ATXN1: variants seen among roughly 807,000 people sequenced by gnomAD.
ATXN1 encodes the protein ataxin-1.
Under a neutral mutation model 56.4 loss-of-function variants are expected in ATXN1, and 8 were observed. The observed-to-expected ratio is 0.14, with a 90% CI of 0.08 to 0.26. The LOEUF (loss-of-function observed/expected upper bound fraction) is 0.26, where lower values mean the gene tolerates loss of function less well. Ranked by LOEUF, ATXN1 falls within the 10% of genes least tolerant of loss-of-function variation. The pLI is 1.00. For missense variants in ATXN1, 987 were observed against 1,106.5 expected (o/e 0.89, Z 1.53); for synonymous variants, 514 against 494.6 (o/e 1.04, Z -0.52).
intron 6 of ATXN1, among the ~76,000 whole-genome samples, chr6:16,411,358 T>G (rs1270915432): frequency 6.6e-6 from 1 of 152,062 alleles, no homozygotes; most frequent in Non-Finnish European, 1.5e-5. Context: ...ATATTGATAT[T>G]GAATTAAAGT....
intron 6 of ATXN1, among the ~76,000 whole-genome samples, chr6:16,366,897 TTTA>T (rs1761932666): frequency 6.6e-6 from 1 of 152,180 alleles, no homozygotes; most frequent in Non-Finnish European, 1.5e-5. Context: ...AAGTCCTGGT[TTTA>T]ATGAGCTATG....
rs1761096603 is a variant in ATXN1, at chr6:16,761,356, AATGTCTT to A, written c.-795_-789del. On this transcript the variant is annotated 5_prime_UTR_variant, in exon 1 of 8. Transcript: ENST00000436367. ...GAAGGGGGGGCAGAGGGAGAGAAACAATGTCTTGCGGCTGCTGTTGCTCTGGCTGCTG... is the reference window on the plus strand; with the variant it reads ...GAAGGGGGGGCAGAGGGAGAGAAACAGCGGCTGCTGTTGCTCTGGCTGCTG... The A allele has an allele frequency of 2.2e-6, 1 of 456,096 alleles. No individual in the cohort carries two copies. Among genetic ancestry groups the A allele is most frequent in the African/African-American group, 2.0e-5 (1 of 49,842 alleles). The allele number at this position is 456,096 out of a possible 1,614,324, so 28.3% of individuals were successfully genotyped here.
In ATXN1 at chr6:16,328,420, A is replaced by G. The variant is rs925594554; in HGVS notation, c.-110T>C. On this transcript the variant is annotated 5_prime_UTR_variant, in exon 7 of 8. The change abolishes an upstream ATG in the 5' untranslated region. Coordinates refer to ENST00000436367, the MANE Select transcript of ATXN1 (RefSeq NM_001128164.2). The surrounding 1 kb of genome is among the most constrained non-coding windows in gnomAD (Gnocchi z 6.2). The stretch of plus-strand genomic sequence containing the variant: ...TTTCTGTAGGGGATCCAGGCTCTTC[A>G]TGAGGAATCATCTCCCCGTGGGTAC... The G allele has an allele frequency of 2.2e-6, 3 of 1,353,940 alleles. No individual in the cohort carries two copies. The highest frequency in any genetic ancestry group is 2.8e-6 in the Non-Finnish European group (3 of 1,055,614). 83.9% of individuals were successfully genotyped at this position (1,353,940 alleles called of 1,614,324 possible).
Position 16,339,015 on chromosome 6 carries a change from C to T in ATXN1, c.-160-10545G>A, listed in dbSNP as rs144231290. Among the ~76,000 whole-genome samples the T allele has an allele frequency of 8.1e-4, 123 of 152,306 alleles. 1 individual carries two copies. In the East Asian group the frequency reaches 0.021, roughly 26 times the overall value. On this transcript the variant is annotated intron_variant, in intron 6 of 7. Coordinates refer to ENST00000436367, the MANE Select transcript of ATXN1 (RefSeq NM_001128164.2). ...AGGGAAGGGTTAAGTGCAATGCCTC[C>T]GTGTTTCACTCTGCCTGCTTTTCCA...
intron 6 of ATXN1, among the ~76,000 whole-genome samples, chr6:16,381,085 T>C (rs1758099259): frequency 6.6e-6 from 1 of 151,514 alleles, no homozygotes; most frequent in Non-Finnish European, 1.5e-5. Context: ...AGGTCAGGAG[T>C]TCGAGACCAG....
At chr6:16,736,630 C>A (rs985457138) in intron 2 of ATXN1, among the ~76,000 whole-genome samples, 4 of 152,144 alleles carry the variant, frequency 2.6e-5, no homozygotes, top group African/African-American at 9.7e-5. Context: ...GGATTAAATT[C>A]CTGTCAAAAC....
intron 5 of ATXN1, among the ~76,000 whole-genome samples, chr6:16,502,533 C>T (rs1476896802): frequency 6.6e-6 from 1 of 152,148 alleles, no homozygotes; most frequent in Non-Finnish European, 1.5e-5. Context: ...CAGTAGGATT[C>T]TGGCTATAGA....
At chr6:16,546,764 A>G (rs1761822698) in intron 4 of ATXN1, among the ~76,000 whole-genome samples, 1 of 152,220 alleles carries the variant, frequency 6.6e-6, no homozygotes, top group Non-Finnish European at 1.5e-5. Flanking sequence ...TTAGACTATG[A>G]GATGACTTCC....
At chr6:16,514,994 A>G (rs1761153029) in intron 5 of ATXN1, among the ~76,000 whole-genome samples, 1 of 151,200 alleles carries the variant, frequency 6.6e-6, no homozygotes, top group African/African-American at 2.4e-5. Flanking sequence ...AATAATAATA[A>G]TAATAATAAT....
chr6:16,516,964 G>T lies in ATXN1; in HGVS notation c.-299+5663C>A, dbSNP rs563696955. Among the ~76,000 whole-genome samples, 3 of 152,312 alleles carry T rather than the reference G, an allele frequency of 2.0e-5. No individual in the cohort carries two copies. In the South Asian group the frequency reaches 6.2e-4, roughly 32 times the overall value. On this transcript the variant is annotated intron_variant, in intron 5 of 7. Coordinates refer to ENST00000436367, the MANE Select transcript of ATXN1 (RefSeq NM_001128164.2). The stretch of plus-strand genomic sequence containing the variant: ...TTAGTTGTGAGCCTCGCAAGCAGTA[G>T]CTGCTTAACTCATAACTGATGACTT...
chr6:16,444,079 G>A (rs572518425), intron 6 of ATXN1, among the ~76,000 whole-genome samples: 3 of 149,742 alleles, frequency 2.0e-5, no homozygotes, highest in African/African-American at 4.9e-5. Flanking sequence ...TTGCGCCACT[G>A]CATTCCAGCC....
At chr6:16,405,443 T>G (rs542651871) in intron 6 of ATXN1, among the ~76,000 whole-genome samples, 4 of 152,198 alleles carry the variant, frequency 2.6e-5, no homozygotes, top group African/African-American at 9.7e-5. Context: ...TTCCCCCAAG[T>G]CCACTGTGAT....
chr6:16,336,967 T>C (rs958479905), intron 6 of ATXN1, among the ~76,000 whole-genome samples: 2 of 152,192 alleles, frequency 1.3e-5, no homozygotes, highest in African/African-American at 4.8e-5. Context: ...AAAATAATAG[T>C]CTCATTCGGG....
At chr6:16,381,590 T>C (rs76337230) in intron 6 of ATXN1, among the ~76,000 whole-genome samples, 277 of 152,372 alleles carry the variant, frequency 1.8e-3, no homozygotes, top group African/African-American at 6.2e-3. Flanking sequence ...GACTTCATCA[T>C]CCAGTGGCTG....
At chr6:16,727,632 T>C (rs1163333597) in intron 2 of ATXN1, among the ~76,000 whole-genome samples, 1 of 152,142 alleles carries the variant, frequency 6.6e-6, no homozygotes, top group Non-Finnish European at 1.5e-5. Context: ...AAACAGGAAC[T>C]TCCAAAGTGC....
Position 16,487,048 on chromosome 6 carries a change from TC to T in ATXN1, c.-298-940del, listed in dbSNP as rs547756723. Among the ~76,000 whole-genome samples the T allele has an allele frequency of 6.0e-3, 921 of 152,308 alleles. 6 individuals are homozygous for T. The highest frequency in any genetic ancestry group is 0.018 in the South Asian group (87 of 4,818). On this transcript the variant is annotated intron_variant, in intron 5 of 7. Coordinates refer to ENST00000436367, the MANE Select transcript of ATXN1 (RefSeq NM_001128164.2). Reference sequence around the variant, plus strand: ...CCACACCTGGATTTCTTGATTTTTTTCCCCCTTTCAAGGCTGACCCAGGAAC... The same window carrying T: ...CCACACCTGGATTTCTTGATTTTTTTCCCCTTTCAAGGCTGACCCAGGAAC...
chr6:16,433,581 G>C (rs1759330735), intron 6 of ATXN1, among the ~76,000 whole-genome samples: 1 of 152,178 alleles, frequency 6.6e-6, no homozygotes, highest in African/African-American at 2.4e-5. Context: ...TCATTTGAAA[G>C]TTTTAATGCC....
intron 1 of ATXN1, chr6:16,761,016 G>A (rs1761078618): frequency 6.0e-6 from 1 of 167,750 alleles, no homozygotes; most frequent in Admixed American, 6.3e-5. Context: ...CCCAGAGTGG[G>A]GGTGTCGGCC....
At chr6:16,708,278 C>T (rs183209760) in intron 2 of ATXN1, among the ~76,000 whole-genome samples, 185 of 152,200 alleles carry the variant, frequency 1.2e-3, no homozygotes, top group African/African-American at 4.4e-3. Context: ...CGTCAACATA[C>T]ATGCATCTAA....
Sources: allele counts gnomAD v4.1 joint callset (sites outside exome capture counted in the v4.1 genomes callset), GRCh38; gene constraint gnomAD v4.1.1; non-coding constraint Gnocchi (gnomAD v3.1); transcripts MANE v1.5; gene names NCBI Gene and HGNC (gene_info 2026-07-23, HGNC 2026-07-21).